Variants in CDH13 observed in about 807,000 individuals in gnomAD.
CDH13 encodes the protein cadherin 13, also known as cadherin-13.
Under a neutral mutation model 63.8 loss-of-function variants are expected in CDH13, and 24 were observed. The ratio of observed to expected loss-of-function variants is 0.38; its 90% CI spans 0.27 to 0.53. CDH13 has a LOEUF of 0.53. Among genes scored for constraint, CDH13 ranks in the 20% least tolerant of loss-of-function variants. The pLI is 0.85. For synonymous variants in CDH13, 503 were observed against 355.3 expected, an observed-to-expected ratio of 1.42 and a Z score of -4.67; for missense variants, 1,049 against 903.1, an observed-to-expected ratio of 1.16 and a Z score of -2.07.
chr16:83,180,781 G>A (rs1344200091), intron 4 of CDH13: 1 of 874,300 alleles, frequency 1.1e-6, no homozygotes, highest in East Asian at 2.6e-5. Context: ...ACAAACAAAG[G>A]CTGCTTAATC....
intron 5 of CDH13, among the ~76,000 whole-genome samples, chr16:83,281,735 C>T (rs1280880724): frequency 6.6e-6 from 1 of 150,722 alleles, no homozygotes; most frequent in Non-Finnish European, 1.5e-5. Context: ...ATAGTAAAAC[C>T]TCATCTGTGC....
chr16:82,940,625 C>T (rs1248785128), intron 2 of CDH13, among the ~76,000 whole-genome samples: 1 of 152,178 alleles, frequency 6.6e-6, no homozygotes, highest in African/African-American at 2.4e-5. Flanking sequence ...ATACATCTTT[C>T]AAGATGTTTG....
intron 1 of CDH13, among the ~76,000 whole-genome samples, chr16:82,652,598 G>A (rs1391322757): frequency 6.6e-6 from 1 of 150,580 alleles, no homozygotes; most frequent in Non-Finnish European, 1.5e-5. Context: ...ACAGATCTTG[G>A]AAAATGAACC....
intron 7 of CDH13, among the ~76,000 whole-genome samples, chr16:83,539,934 C>G (rs939479307): frequency 7.9e-5 from 12 of 152,226 alleles, no homozygotes; most frequent in African/African-American, 2.2e-4. Flanking sequence ...TGATTAATTC[C>G]CTGACATTCC....
chr16:83,015,068 TAA>T (rs1914624754), intron 2 of CDH13, among the ~76,000 whole-genome samples: 1 of 151,348 alleles, frequency 6.6e-6, no homozygotes, highest in Admixed American at 6.6e-5. Context: ...TAATAGCTAT[TAA>T]GAGAAAACCT....
chr16:82,868,160 T>C (rs942191041), intron 2 of CDH13, among the ~76,000 whole-genome samples: 7 of 152,220 alleles, frequency 4.6e-5, no homozygotes. Flanking sequence ...TTTGTTTTAA[T>C]CTGTTGCGAT....
intron 2 of CDH13, among the ~76,000 whole-genome samples, chr16:82,994,901 A>T (rs1912035506): frequency 1.3e-5 from 2 of 152,180 alleles, no homozygotes; most frequent in African/African-American, 2.4e-5. Context: ...TTGGCCACAT[A>T]CTAGCTACAT....
chr16:83,083,331 A>G (rs565556227), intron 3 of CDH13, among the ~76,000 whole-genome samples: 2 of 152,216 alleles, frequency 1.3e-5, no homozygotes, highest in South Asian at 2.1e-4. Flanking sequence ...TATACCGTAC[A>G]GTATAAACAA....
intron 6 of CDH13, among the ~76,000 whole-genome samples, chr16:83,449,891 G>T (rs1296502877): frequency 6.6e-6 from 1 of 152,214 alleles, no homozygotes; most frequent in Non-Finnish European, 1.5e-5. Flanking sequence ...AGAAAGTGCC[G>T]AATAAGTGAC....
chr16:83,144,633 G>A (rs567586886), intron 4 of CDH13, among the ~76,000 whole-genome samples: 1 of 152,272 alleles, frequency 6.6e-6, no homozygotes, highest in Non-Finnish European at 1.5e-5. Context: ...TCCTGCCAAA[G>A]GCAAAAAGGC....
rs1233851764 is a variant in CDH13, at chr16:83,666,604, C to T, written c.1102-4186C>T. 3.9e-5 allele frequency among the ~76,000 whole-genome samples: 6 copies of T among 152,218 alleles called. No homozygotes were observed. The South Asian group carries it at 1.2e-3, about 32-fold the overall frequency. ...CTGGAGTCTGATGTCATAGAGTTCTCTCTGGCTCTCCCCTTCATTCCAGCC... is the reference window on the plus strand; with the variant it reads ...CTGGAGTCTGATGTCATAGAGTTCTTTCTGGCTCTCCCCTTCATTCCAGCC... On this transcript the variant is annotated intron_variant, in intron 8 of 13. Coordinates refer to ENST00000567109, the MANE Select transcript of CDH13 (RefSeq NM_001257.5).
intron 3 of CDH13, among the ~76,000 whole-genome samples, chr16:83,059,747 C>G (rs2031326986): frequency 2.0e-5 from 3 of 149,872 alleles, no homozygotes; most frequent in African/African-American, 4.9e-5. Context: ...CCCTGTATCA[C>G]TAACTTTCTT....
chr16:82,763,246 C>G (rs12102617), intron 1 of CDH13, among the ~76,000 whole-genome samples: 412 of 152,316 alleles, frequency 2.7e-3, no homozygotes, highest in African/African-American at 9.6e-3. Context: ...CTACATAAAT[C>G]AACGTGCCTC....
intron 1 of CDH13, among the ~76,000 whole-genome samples, chr16:82,851,966 A>G (rs886590599): frequency 3.9e-5 from 6 of 152,330 alleles, no homozygotes; most frequent in South Asian, 2.1e-4. Context: ...TAAAGTAACT[A>G]TCAACCAACA....
At chr16:82,794,826 T>C (rs989906476) in intron 1 of CDH13, among the ~76,000 whole-genome samples, 9 of 152,218 alleles carry the variant, frequency 5.9e-5, no homozygotes, top group Non-Finnish European at 1.2e-4. Context: ...CCTTGGAGGC[T>C]GATTCTTCTG....
chr16:82,682,625 T>C (rs1464018864), intron 1 of CDH13, among the ~76,000 whole-genome samples: 2 of 152,224 alleles, frequency 1.3e-5, no homozygotes, highest in Non-Finnish European at 1.5e-5. Context: ...TAAAACATGC[T>C]TCTGGCAATA....
chr16:82,707,584 C>G (rs1219320369), intron 1 of CDH13, among the ~76,000 whole-genome samples: 1 of 152,122 alleles, frequency 6.6e-6, no homozygotes, highest in Non-Finnish European at 1.5e-5. Flanking sequence ...ACAGAGTGAC[C>G]ATAGCACTCA....
intron 5 of CDH13, among the ~76,000 whole-genome samples, chr16:83,298,248 G>T (rs1201391238): frequency 6.6e-6 from 1 of 151,674 alleles, no homozygotes; most frequent in Non-Finnish European, 1.5e-5. Context: ...GTCAACACAA[G>T]ACGAGACAAA....
At chr16:83,516,394 A>C (rs1436697459) in intron 7 of CDH13, among the ~76,000 whole-genome samples, 1 of 152,230 alleles carries the variant, frequency 6.6e-6, no homozygotes, top group Non-Finnish European at 1.5e-5. Flanking sequence ...TAGCCTATAA[A>C]AATAGTGTCA....
Sources: allele counts gnomAD v4.1 joint callset (sites outside exome capture counted in the v4.1 genomes callset), GRCh38; gene constraint gnomAD v4.1.1; transcripts MANE v1.5; gene names NCBI Gene and HGNC (gene_info 2026-07-23, HGNC 2026-07-21).